PROX2: variants seen among roughly 807,000 people sequenced by gnomAD.
PROX2 encodes the protein prospero homeobox protein 2.
In PROX2, 46 loss-of-function variants were observed where a neutral mutation model predicts 48.9. That is an observed-to-expected ratio of 0.94 (90% CI 0.74 to 1.20). The LOEUF (loss-of-function observed/expected upper bound fraction) is 1.20, where lower values mean the gene tolerates loss of function less well. PROX2 is among the 50% of genes most tolerant of loss of function. PROX2 has a pLI of 0.00. For missense variants in PROX2, 663 were observed against 719.4 expected, an observed-to-expected ratio of 0.92 and a Z score of 0.90; for synonymous variants, 260 against 276.6, an observed-to-expected ratio of 0.94 and a Z score of 0.60.
In PROX2 at chr14:74,870,441, T is replaced by TACACAC. The variant is rs10525556; in HGVS notation, c.-175+656_-175+661dup. Among the ~76,000 whole-genome samples the TACACAC allele has an allele frequency of 1.2e-3, 138 of 110,896 alleles. 3 individuals carry two copies. The highest frequency in any genetic ancestry group is 3.6e-3 in the African/African-American group (87 of 24,082). The allele number at this position is 110,896 out of a possible 152,430, so 72.8% of individuals were successfully genotyped here. A position where few individuals can be genotyped will look rare whatever the true frequency, so the allele number is the denominator to read the frequency against. Reference sequence around the variant, plus strand: ...GCCTGCCTCAAAAAAAAAAAAAAAATACACACACACACACACACACACACA... The same window carrying TACACAC: ...GCCTGCCTCAAAAAAAAAAAAAAAATACACACACACACACACACACACACACACACA... On this transcript the variant is annotated intron_variant, in intron 2 of 5. Transcript: ENST00000556489.
intron 3 of PROX2, among the ~76,000 whole-genome samples, chr14:74,860,584 C>T (rs866369566): frequency 2.6e-5 from 4 of 152,034 alleles, no homozygotes; most frequent in Non-Finnish European, 5.9e-5. Flanking sequence ...TGAATGTGAA[C>T]GTTCTTTTTA....
chr14:74,859,211 C>T (rs1845740432), intron 3 of PROX2: 1 of 152,306 alleles, frequency 6.6e-6, no homozygotes. Flanking sequence ...GAAGCTCCCA[C>T]CTCTGTTAAA....
At position 74,856,785 on chromosome 14, in the gene PROX2, C is replaced by A; in HGVS notation, c.1608+16G>T. 6.2e-7 allele frequency: 1 copy of A among 1,606,234 alleles called. No homozygotes were observed. The highest frequency in any genetic ancestry group is 1.7e-5 in the Admixed American group (1 of 59,900). On this transcript the variant is annotated intron_variant, in intron 5 of 5. Coordinates refer to ENST00000556489, the MANE Select transcript of PROX2 (RefSeq NM_001243007.2). ...ACACTCATCAGATCTCATGGGAACC[C>A]AGTACATGGTCTTACCTCAAAGTCA...
Position 74,863,203 on chromosome 14 carries a change from T to C in PROX2, c.632A>G (p.Lys211Arg). ...SGAEKHQESE[K>R]PSFLPSGAPA... ...TGCTCCAGAAGGAAGGAAACTGGGC[T>C]TCTCAGACTCTTGGTGTTTTTCTGC... The change falls in exon 3 of 6, where the codon AAG becomes AGG. Residue 211 changes from lysine to arginine, a missense_variant. Coordinates refer to ENST00000556489, the MANE Select transcript of PROX2 (RefSeq NM_001243007.2). 1 of 1,614,044 alleles carries C rather than the reference T, an allele frequency of 6.2e-7. No homozygotes were observed. Among genetic ancestry groups the C allele is most frequent in the South Asian group, 1.1e-5 (1 of 91,092 alleles).
chr14:74,866,137 AG>A (rs1280916745), intron 2 of PROX2, among the ~76,000 whole-genome samples: 2 of 151,968 alleles, frequency 1.3e-5, no homozygotes, highest in African/African-American at 4.8e-5. Flanking sequence ...GGGCACCTGT[AG>A]TCCCAGCTAC....
intron 3 of PROX2, chr14:74,858,873 T>TGC (rs2091772958): frequency 5.4e-6 from 1 of 186,910 alleles, no homozygotes; most frequent in Non-Finnish European, 1.1e-5. Context: ...TGTGTGTGTG[T>TGC]GTGTGTGTGT....
rs1185185682 is a variant in PROX2 at position 74,863,369 on chromosome 14, G to T, written c.466C>A (p.Pro156Thr). ...LQEHILQAAKPRDTAQGPGGC... is the reference protein window; with the variant it reads ...LQEHILQAAKTRDTAQGPGGC... Reference sequence around the variant, plus strand: ...CCTGGCCCCTGAGCTGTGTCCCTGGGCTTGGCAGCCTGTAGGATGTGCTCT... The same window carrying T: ...CCTGGCCCCTGAGCTGTGTCCCTGGTCTTGGCAGCCTGTAGGATGTGCTCT... Residue 156 changes from proline to threonine, a missense_variant, in exon 3 of 6, where the codon CCC (proline) becomes ACC (threonine). Pro to Thr is a conservative substitution (Grantham distance 38). Coordinates refer to ENST00000556489, the MANE Select transcript of PROX2 (RefSeq NM_001243007.2). 3.1e-6 allele frequency: 5 copies of T among 1,613,994 alleles called. No homozygotes were observed. The highest frequency in any genetic ancestry group is 3.4e-6 in the Non-Finnish European group (4 of 1,179,870).
At chr14:74,865,578 C>T (rs1235587274) in intron 2 of PROX2, among the ~76,000 whole-genome samples, 1 of 152,160 alleles carries the variant, frequency 6.6e-6, no homozygotes, top group East Asian at 1.9e-4. Context: ...CGCGGTGGCT[C>T]ACGCCTGTAA....
At chr14:74,861,510 G>A (rs548163700) in intron 3 of PROX2, among the ~76,000 whole-genome samples, 12 of 152,236 alleles carry the variant, frequency 7.9e-5, no homozygotes, top group South Asian at 2.1e-4. Flanking sequence ...TTAATATCCC[G>A]AGGGTTACTC....
chr14:74,858,592 T>C (rs2091766259), intron 3 of PROX2, 78 bp from the exon 4 acceptor site: 3 of 775,420 alleles, frequency 3.9e-6, no homozygotes, highest in Non-Finnish European at 4.3e-6. Context: ...GTTCCTGTGG[T>C]TTCTATTTGA....
At position 74,862,540 on chromosome 14, in the gene PROX2, G is replaced by A; in HGVS notation, c.1295C>T (p.Ser432Phe). The change falls in exon 3 of 6, where the codon TCT (serine) becomes TTT (phenylalanine). Residue 432 changes from serine (S) to phenylalanine (F), a missense_variant. By Grantham distance (155) the Ser-to-Phe change is radical. Coordinates refer to ENST00000556489, the MANE Select transcript of PROX2 (RefSeq NM_001243007.2). ...GCTATTAAAGGATATGTGGACCAAA[G>A]AGAAAGGCAGTGCCTCCATGACAGC... is the stretch of plus-strand genomic sequence containing the variant. The part of the protein sequence containing the change: ...LHAVMEALPF[S>F]LVHIQEGLNP... The A allele has an allele frequency of 2.5e-6, 4 of 1,612,802 alleles. No individual in the cohort carries two copies. The highest frequency in any genetic ancestry group is 3.4e-6 in the Non-Finnish European group (4 of 1,179,506).
At chr14:74,859,834 T>G (rs1450999023) in intron 3 of PROX2, among the ~76,000 whole-genome samples, 3 of 152,168 alleles carry the variant, frequency 2.0e-5, no homozygotes, top group Non-Finnish European at 2.9e-5. Context: ...CAGCCCCTAC[T>G]TACCCTTCCT....
chr14:74,867,684 G>A (rs768354710), intron 2 of PROX2, among the ~76,000 whole-genome samples: 35 of 152,198 alleles, frequency 2.3e-4, no homozygotes, highest in African/African-American at 2.2e-4. Flanking sequence ...AAAGACAGAC[G>A]GGTAGATAGA....
At chr14:74,872,570 G>A (rs143634038) in intron 1 of PROX2, among the ~76,000 whole-genome samples, 1 of 152,124 alleles carries the variant, frequency 6.6e-6, no homozygotes, top group Admixed American at 6.5e-5. Context: ...CTGAACAGCC[G>A]CCCATCCAAA....
rs1266391742 is a variant in PROX2 at position 74,862,764 on chromosome 14, G to A, written c.1071C>T (p.Gly357=). The change falls in exon 3 of 6, where the codon GGC becomes GGT. Residue 357 remains glycine (G), a synonymous_variant. Transcript: ENST00000556489. ...SQLLGHRYNN[G]HWSSSPPQDS... ...CCTGGGGAGGACTGCTACTCCAATG[G>A]CCATTGTTGTATCTATGACCCAGTA... The A allele has an allele frequency of 6.2e-7, 1 of 1,613,882 alleles. No homozygotes were observed. The highest frequency in any genetic ancestry group is 1.3e-5 in the African/African-American group (1 of 74,926).
intron 2 of PROX2, among the ~76,000 whole-genome samples, chr14:74,869,798 GATTCTCAGTAATCTTGCTCAGTTTTCAT>G (rs1267059707): frequency 6.6e-6 from 1 of 151,972 alleles, no homozygotes; most frequent in Non-Finnish European, 1.5e-5. Context: ...GTATTTCTTT[GATTCTCAGTAATCTTGCTCAGTTTTCAT>G]ATATTTTTTG....
Position 74,854,347 on chromosome 14 carries a change from C to T in PROX2, c.*785G>A. 1 of 388,130 alleles carries T rather than the reference C, an allele frequency of 2.6e-6. No individual in the cohort carries two copies. Among genetic ancestry groups the T allele is most frequent in the East Asian group, 7.5e-5 (1 of 13,278 alleles). The allele number at this position is 388,130 out of a possible 1,614,324, so 24.0% of individuals were successfully genotyped here. On this transcript the variant is annotated 3_prime_UTR_variant, in exon 6 of 6. Transcript: ENST00000556489. ...AGCAGAAATCTTGGGCGGTGAAGTG[C>T]TCCTAAGTGCTGGGCAGGAGTTGTC...
intron 4 of PROX2, chr14:74,857,358 T>G (rs2091752282): frequency 5.7e-6 from 1 of 175,282 alleles, no homozygotes; most frequent in Non-Finnish European, 1.2e-5. Flanking sequence ...CCTGGGGCCT[T>G]CCACTTGGAT....
At chr14:74,873,664 C>T in intron 1 of PROX2, 1 of 368,416 alleles carries the variant, frequency 2.7e-6, no homozygotes, top group South Asian at 2.5e-5. Context: ...CCTGAGAGTC[C>T]ATATTTTTAA....
Sources: allele counts gnomAD v4.1 joint callset (sites outside exome capture counted in the v4.1 genomes callset), GRCh38; gene constraint gnomAD v4.1.1; transcripts MANE v1.5; gene names NCBI Gene and HGNC (gene_info 2026-07-23, HGNC 2026-07-21).